The following NMT2 variants were observed in gnomAD, a reference collection of about 807,000 sequenced individuals.
NMT2 encodes glycylpeptide N-tetradecanoyltransferase 2.
Under a neutral mutation model 65.4 loss-of-function variants are expected in NMT2, and 35 were observed. The observed-to-expected ratio is 0.54, with a 90% confidence interval of 0.41 to 0.71. NMT2 has a LOEUF of 0.71. Ranked by LOEUF, NMT2 falls within the 30% of genes least tolerant of loss-of-function variation. The probability of loss-of-function intolerance (pLI) is 0.00; values close to 1 mark genes in which losing one functional copy is unlikely to be tolerated. For missense variants in NMT2, 489 were observed against 611.3 expected, an observed-to-expected ratio of 0.80 and a Z score of 2.11; for synonymous variants, 226 against 231.8, an observed-to-expected ratio of 0.98 and a Z score of 0.23.
chr10:15,139,615 G>A (rs985300300), intron 2 of NMT2: 1 of 151,838 alleles, frequency 6.6e-6, no homozygotes, highest in Non-Finnish European at 1.5e-5. Flanking sequence ...TGTATCTAGT[G>A]GGTAGCATAT....
chr10:15,112,210 A>ATT (rs1845572009), intron 10 of NMT2, among the ~76,000 whole-genome samples: 1 of 17,772 alleles, frequency 5.6e-5, no homozygotes. Flanking sequence ...ATATATATAT[A>ATT]TATATATTTT....
In NMT2 at chr10:15,106,906, G is replaced by T. The variant is rs914783302; in HGVS notation, c.*2289C>A. On this transcript the variant is annotated 3_prime_UTR_variant, in exon 12 of 12. Coordinates refer to ENST00000378165, the MANE Select transcript of NMT2 (RefSeq NM_004808.3). Reference sequence around the variant, plus strand: ...ACTTGAGGCCAGGAGTTAAAGACCAGCACGGGAAACATAGCAAGACCTTGT... The same window carrying T: ...ACTTGAGGCCAGGAGTTAAAGACCATCACGGGAAACATAGCAAGACCTTGT... Among the ~76,000 whole-genome samples, 4 of 152,184 alleles carry T rather than the reference G, an allele frequency of 2.6e-5. No homozygotes were observed. The highest frequency in any genetic ancestry group is 9.6e-5 in the African/African-American group (4 of 41,454).
intron 9 of NMT2, among the ~76,000 whole-genome samples, chr10:15,116,552 G>T (rs1241687291): frequency 6.6e-6 from 1 of 152,082 alleles, no homozygotes; most frequent in East Asian, 1.9e-4. Flanking sequence ...CAAGCAGACA[G>T]AAGGAAACAA....
At chr10:15,156,239 C>T (rs935620932) in intron 1 of NMT2, among the ~76,000 whole-genome samples, 34 of 152,108 alleles carry the variant, frequency 2.2e-4, no homozygotes, top group African/African-American at 8.0e-4. Context: ...TCATGCTGTA[C>T]TCATGACAGG....
chr10:15,107,410 C>T lies in NMT2; in HGVS notation c.*1785G>A, dbSNP rs1021853753. 4.5e-5 allele frequency: 44 copies of T among 985,330 alleles called. No individual in the cohort carries two copies. The highest frequency in any genetic ancestry group is 1.8e-4 in the Admixed American group (3 of 16,268). 61.0% of individuals were successfully genotyped at this position (985,330 alleles called of 1,614,324 possible). A position where few individuals can be genotyped will look rare whatever the true frequency, so the allele number is the denominator to read the frequency against. ...TCATGTCTAAAACAATTAACTTCTG[C>T]ACTGAACTTCCTAGGCACTGGCCCA... is the stretch of plus-strand genomic sequence containing the variant. On this transcript the variant is annotated 3_prime_UTR_variant, in exon 12 of 12. Coordinates refer to ENST00000378165, the MANE Select transcript of NMT2 (RefSeq NM_004808.3).
chr10:15,148,881 A>G (rs1229873009), intron 1 of NMT2, among the ~76,000 whole-genome samples: 1 of 152,208 alleles, frequency 6.6e-6, no homozygotes, highest in African/African-American at 2.4e-5. Context: ...AGGCAGACTT[A>G]ACAACCAATA....
At chr10:15,126,052 T>C (rs1846063877) in intron 8 of NMT2, among the ~76,000 whole-genome samples, 2 of 152,114 alleles carry the variant, frequency 1.3e-5, no homozygotes, top group South Asian at 2.1e-4. Context: ...CCCCCAGTGA[T>C]CCCACCTCCT....
At chr10:15,138,715 C>T (rs1846612336) in intron 2 of NMT2, among the ~76,000 whole-genome samples, 1 of 152,158 alleles carries the variant, frequency 6.6e-6, no homozygotes, top group Non-Finnish European at 1.5e-5. Context: ...CCAGAATATT[C>T]TGCAATGCAG....
intron 1 of NMT2, among the ~76,000 whole-genome samples, chr10:15,151,098 G>T (rs538372628): frequency 7.0e-6 from 1 of 142,848 alleles, no homozygotes; most frequent in Admixed American, 7.2e-5. Context: ...CACTCTTGCT[G>T]CCCAGGCTGG....
At chr10:15,109,882 G>T (rs776565489) in intron 10 of NMT2, 43 bp from the exon 11 acceptor site, 1 of 1,502,088 alleles carries the variant, frequency 6.7e-7, no homozygotes, top group Non-Finnish European at 9.1e-7. Context: ...CAAAGGACTA[G>T]TGTTTTCTGT....
intron 2 of NMT2, among the ~76,000 whole-genome samples, chr10:15,139,536 G>A (rs1002344394): frequency 6.6e-6 from 1 of 152,044 alleles, no homozygotes; most frequent in African/African-American, 2.4e-5. Context: ...CTGATGAAGC[G>A]ACATTTAGAA....
chr10:15,117,379 AGAG>A (rs1215385307), intron 9 of NMT2, among the ~76,000 whole-genome samples: 1 of 152,242 alleles, frequency 6.6e-6, no homozygotes, highest in Non-Finnish European at 1.5e-5. Flanking sequence ...AGTTAGAAAT[AGAG>A]GAGAATGACC....
rs1043294465 is a variant in NMT2 at position 15,113,863 on chromosome 10, G to A, written c.1171-900C>T. On this transcript the variant is annotated intron_variant, in intron 9 of 11. Transcript: ENST00000378165. Reference sequence around the variant, plus strand: ...GGATGACATTCATTTCATCATCACTGGCAAAGCTTCCAATACAAGAAATTA... The same window carrying A: ...GGATGACATTCATTTCATCATCACTAGCAAAGCTTCCAATACAAGAAATTA... Among the ~76,000 whole-genome samples the A allele has an allele frequency of 3.9e-5, 6 of 152,174 alleles. No homozygotes were observed. The South Asian group carries it at 8.3e-4, about 21-fold the overall frequency.
At chr10:15,155,130 C>T in intron 1 of NMT2, 1 of 1,498,944 alleles carries the variant, frequency 6.7e-7, no homozygotes, top group Non-Finnish European at 9.3e-7. Context: ...TGTAAAGTCA[C>T]CACCCTGACA....
intron 10 of NMT2, among the ~76,000 whole-genome samples, chr10:15,111,365 G>C (rs1845508420): frequency 6.6e-6 from 1 of 151,528 alleles, no homozygotes; most frequent in African/African-American, 2.4e-5. Context: ...ACAAAAATTA[G>C]CCAGGTGTGG....
At position 15,156,470 on chromosome 10, in the gene NMT2, G is replaced by A. The variant is rs146469732; in HGVS notation, c.110+12033C>T. Among the ~76,000 whole-genome samples, 631 of 152,272 alleles carry A rather than the reference G, an allele frequency of 4.1e-3. 3 individuals are homozygous for A. The highest frequency in any genetic ancestry group is 0.014 in the African/African-American group (585 of 41,548). Reference sequence around the variant, plus strand: ...CTAACGTACATCCTTATAGCAGCATGAGAACGGACTAATACGGGGCGGAGG... The same window carrying A: ...CTAACGTACATCCTTATAGCAGCATAAGAACGGACTAATACGGGGCGGAGG... On this transcript the variant is annotated intron_variant, in intron 1 of 11. Transcript: ENST00000378165.
chr10:15,137,230 G>A (rs1750370092), intron 2 of NMT2, among the ~76,000 whole-genome samples: 1 of 152,222 alleles, frequency 6.6e-6, no homozygotes, highest in East Asian at 1.9e-4. Flanking sequence ...TACAAACACT[G>A]TCAAGAACCC....
intron 1 of NMT2, among the ~76,000 whole-genome samples, chr10:15,154,229 G>C (rs1000720699): frequency 6.6e-6 from 1 of 152,176 alleles, no homozygotes; most frequent in African/African-American, 2.4e-5. Context: ...GGGCCCTCCA[G>C]GTGCCCAGAA....
Position 15,107,092 on chromosome 10 carries a change from G to C in NMT2, c.*2103C>G, listed in dbSNP as rs1270088465. Among the ~76,000 whole-genome samples the C allele has an allele frequency of 1.5e-5, 2 of 137,198 alleles. No homozygotes were observed. The allele number at this position is 137,198 out of a possible 152,430, so 90.0% of individuals were successfully genotyped here. A position where few individuals can be genotyped will look rare whatever the true frequency, so the allele number is the denominator to read the frequency against. On this transcript the variant is annotated 3_prime_UTR_variant, in exon 12 of 12. Coordinates refer to ENST00000378165, the MANE Select transcript of NMT2 (RefSeq NM_004808.3). ...CCACTGTATTCTAGCCTGGACAATA[G>C]AGTGAGACCCTGTCCTAAAAAAAAA...
Sources: allele counts gnomAD v4.1 joint callset (sites outside exome capture counted in the v4.1 genomes callset), GRCh38; gene constraint gnomAD v4.1.1; transcripts MANE v1.5; gene names NCBI Gene and HGNC (gene_info 2026-07-23, HGNC 2026-07-21).